KDM6A: variants seen among roughly 807,000 people sequenced by gnomAD.
KDM6A encodes the protein lysine-specific demethylase 6A.
Under a neutral mutation model 117.6 loss-of-function variants are expected in KDM6A, and 11 were observed. The ratio of observed to expected loss-of-function variants is 0.09; its 90% CI spans 0.06 to 0.15. The LOEUF is 0.15. Among genes scored for constraint, KDM6A ranks in the 10% least tolerant of loss-of-function variants. The probability of loss-of-function intolerance (pLI) is 1.00; values close to 1 mark genes in which losing one functional copy is unlikely to be tolerated. For synonymous variants in KDM6A, 384 were observed against 396.1 expected, an observed-to-expected ratio of 0.97 and a Z score of 0.36; for missense variants, 799 against 1,077.3, an observed-to-expected ratio of 0.74 and a Z score of 3.62.
At chrX:44,984,071 T>C (rs769967197) in intron 4 of KDM6A, among the ~76,000 whole-genome samples, 1 of 110,724 alleles carries the variant, frequency 9.0e-6, no homozygotes, top group Admixed American at 9.5e-5. Context: ...CTCCAGCACC[T>C]GTTGTTTCCT....
At chrX:44,967,555 G>A (rs960174123) in intron 3 of KDM6A, among the ~76,000 whole-genome samples, 3 of 111,374 alleles carry the variant, frequency 2.7e-5, no homozygotes, top group Non-Finnish European at 3.8e-5. Flanking sequence ...CATCTTTTCT[G>A]TGTAAAGTTT....
chrX:44,937,001 C>T (rs924046536), intron 2 of KDM6A, among the ~76,000 whole-genome samples: 17 of 111,476 alleles, frequency 1.5e-4, no homozygotes, highest in African/African-American at 5.2e-4. Flanking sequence ...TTTGTTGACC[C>T]TTCGCAAATT....
At chrX:45,109,874 A>G (rs2046701451) in intron 28 of KDM6A, among the ~76,000 whole-genome samples, 1 of 111,279 alleles carries the variant, frequency 9.0e-6, no homozygotes, top group African/African-American at 3.3e-5. Context: ...CTAAATATGC[A>G]TTACTACCCA....
At chrX:44,975,067 A>G (rs965168592) in intron 4 of KDM6A, among the ~76,000 whole-genome samples, 1 of 111,880 alleles carries the variant, frequency 8.9e-6, no homozygotes, top group Non-Finnish European at 1.9e-5. Flanking sequence ...GAAGACGTGT[A>G]TATCAGGCTA....
chrX:45,072,701 T>G (rs778805435), intron 18 of KDM6A, among the ~76,000 whole-genome samples: 3 of 109,676 alleles, frequency 2.7e-5, no homozygotes, highest in Non-Finnish European at 3.8e-5. Context: ...GGGGAAGATT[T>G]GGAGGTTCAA....
chrX:45,102,757 C>T (rs1415186778), intron 27 of KDM6A, among the ~76,000 whole-genome samples: 2 of 111,653 alleles, frequency 1.8e-5, no homozygotes, highest in African/African-American at 3.3e-5. Context: ...ATGCTTTTTT[C>T]CCCCCATCTA....
chrX:44,948,126 G>A (rs981471752), intron 2 of KDM6A, among the ~76,000 whole-genome samples: 9 of 112,075 alleles, frequency 8.0e-5, no homozygotes, highest in African/African-American at 1.6e-4. Context: ...TGAAGTGGAA[G>A]CCCTTCCCAA....
intron 4 of KDM6A, among the ~76,000 whole-genome samples, chrX:44,981,088 G>A (rs1241334667): frequency 9.0e-6 from 1 of 111,500 alleles, no homozygotes; most frequent in East Asian, 2.8e-4. Context: ...CAAAATGTGT[G>A]TGGGTTTTCC....
chrX:44,940,801 C>T (rs761811019), intron 2 of KDM6A, among the ~76,000 whole-genome samples: 3 of 111,553 alleles, frequency 2.7e-5, no homozygotes, highest in Admixed American at 1.9e-4. Context: ...TTTGGGAGGC[C>T]GAGGTGGGCG....
intron 8 of KDM6A, among the ~76,000 whole-genome samples, chrX:45,049,249 A>G (rs753910310): frequency 1.9e-4 from 21 of 112,160 alleles, no homozygotes; most frequent in Non-Finnish European, 2.8e-4. Context: ...TCTGATTTCT[A>G]GAGGAGTATA....
At chrX:45,018,047 C>CTAT (rs2042033507) in intron 5 of KDM6A, among the ~76,000 whole-genome samples, 1 of 111,139 alleles carries the variant, frequency 9.0e-6, no homozygotes, top group African/African-American at 3.3e-5. Flanking sequence ...TGAGGAGGAG[C>CTAT]AATAATAGGG....
chrX:45,062,617 G>A (rs928732914), intron 15 of KDM6A, 30 bp from the exon 16 acceptor site: 1 of 1,019,381 alleles, frequency 9.8e-7, no homozygotes, highest in African/African-American at 1.9e-5. Context: ...ATATATCTTT[G>A]ACTATATTCT....
chrX:45,062,825 A>G, intron 16 of KDM6A, 77 bp downstream of exon 16: 1 of 629,993 alleles, frequency 1.6e-6, no homozygotes, highest in Non-Finnish European at 2.6e-6. Flanking sequence ...ATTTTAGAGC[A>G]TGTTTATGTT....
At chrX:44,935,046 T>C (rs1445177586) in intron 2 of KDM6A, among the ~76,000 whole-genome samples, 1 of 110,985 alleles carries the variant, frequency 9.0e-6, no homozygotes, top group African/African-American at 3.3e-5. Context: ...CCATTGTTTT[T>C]ACCCCCCTCT....
intron 13 of KDM6A, 86 bp from the exon 14 acceptor site, chrX:45,060,523 T>G: frequency 1.3e-6 from 1 of 754,472 alleles, no homozygotes; most frequent in Non-Finnish European, 1.8e-6. Context: ...CTTTGAAAAG[T>G]ATGCAGCTTG....
chrX:44,988,237 G>A (rs1043118854), intron 4 of KDM6A, among the ~76,000 whole-genome samples: 6 of 111,620 alleles, frequency 5.4e-5, no homozygotes, highest in Non-Finnish European at 1.1e-4. Context: ...CATAGTTCTC[G>A]TGCCTTGGTT....
chrX:45,055,573 T>A (rs1363369794), intron 10 of KDM6A, among the ~76,000 whole-genome samples: 1 of 111,265 alleles, frequency 9.0e-6, no homozygotes, highest in Non-Finnish European at 1.9e-5. Flanking sequence ...AAACTGGATT[T>A]TATTATTTTT....
chrX:44,973,323 C>T (rs1401299325), intron 3 of KDM6A, among the ~76,000 whole-genome samples: 1 of 111,185 alleles, frequency 9.0e-6, no homozygotes, highest in African/African-American at 3.3e-5. Flanking sequence ...ATTCCCATGG[C>T]CTCTTGTCTC....
chrX:45,043,392 ATTTT>A (rs2043377229), intron 8 of KDM6A, among the ~76,000 whole-genome samples: 1 of 112,100 alleles, frequency 8.9e-6, no homozygotes. Flanking sequence ...GGTTTGTTTA[ATTTT>A]AATGAGAGCT....
Sources: allele counts gnomAD v4.1 joint callset (sites outside exome capture counted in the v4.1 genomes callset), GRCh38; gene constraint gnomAD v4.1.1; transcripts MANE v1.5; gene names NCBI Gene and HGNC (gene_info 2026-07-23, HGNC 2026-07-21).